Variants in TJP1 observed in about 807,000 individuals in gnomAD.
TJP1 encodes tight junction protein ZO-1.
A neutral mutation model predicts 194.2 loss-of-function variants in TJP1; 43 were observed. That is an observed-to-expected ratio of 0.22 (90% CI 0.17 to 0.29). The LOEUF is 0.29. Among genes scored for constraint, TJP1 ranks in the 10% least tolerant of loss-of-function variants. TJP1 has a pLI of 1.00. For synonymous variants in TJP1, 801 were observed against 779.0 expected, an observed-to-expected ratio of 1.03 and a Z score of -0.47; for missense variants, 1,971 against 2,185.7, an observed-to-expected ratio of 0.90 and a Z score of 1.96.
intron 2 of TJP1, among the ~76,000 whole-genome samples, chr15:29,906,463 G>A (rs1023524072): frequency 9.4e-5 from 5 of 53,234 alleles, no homozygotes; most frequent in East Asian, 3.8e-4. Flanking sequence ...GCGAGACTCC[G>A]TCTCAAAATA....
Position 29,762,382 on chromosome 15 carries a change from A to C in TJP1, c.646T>G (p.Leu216Val). ...IFVKEISQDSLAARDGNIQEG... is the reference protein window; with the variant it reads ...IFVKEISQDSVAARDGNIQEG... ...TGAATATTGCCATCTCTTGCTGCCA[A>C]ACTATCTTGTGAAATTTCCTTAACA... The change falls in exon 6 of 28, where the codon TTG (leucine) becomes GTG (valine). Residue 216 changes from leucine to valine, a missense_variant. Around this residue, in one of 5 missense-constraint regions of TJP1, gnomAD observed 245 missense variants for 336.6 expected, o/e 0.73. Coordinates refer to ENST00000614355, the MANE Select transcript of TJP1 (RefSeq NM_001330239.4). The C allele has an allele frequency of 6.2e-7, 1 of 1,613,768 alleles. No homozygotes were observed. Among genetic ancestry groups the C allele is most frequent in the Non-Finnish European group, 8.5e-7 (1 of 1,179,938 alleles).
At chr15:29,846,088 G>A (rs1369688141) in intron 2 of TJP1, among the ~76,000 whole-genome samples, 6 of 152,140 alleles carry the variant, frequency 3.9e-5, no homozygotes, top group Admixed American at 6.5e-5. Context: ...CTATCTTTGC[G>A]TCTTTCTTCT....
intron 26 of TJP1, 70 bp downstream of exon 26, chr15:29,705,458 A>G (rs575884167): frequency 2.7e-5 from 39 of 1,468,164 alleles, no homozygotes; most frequent in South Asian, 2.5e-4. Context: ...GCCAAGCACT[A>G]TAAGCTCTGA....
intron 1 of TJP1, among the ~76,000 whole-genome samples, chr15:29,809,093 C>T (rs1442653927): frequency 1.3e-5 from 2 of 152,008 alleles, no homozygotes; most frequent in African/African-American, 4.8e-5. Flanking sequence ...TTATGATATG[C>T]TATGTGCAAA....
intron 2 of TJP1, among the ~76,000 whole-genome samples, chr15:29,951,540 AAAC>A (rs1384624261): frequency 1.3e-5 from 2 of 152,174 alleles, no homozygotes; most frequent in African/African-American, 4.8e-5. Context: ...TAAAAAAACA[AAAC>A]AATTATTCAA....
At chr15:29,787,602 A>G (rs1361406656) in intron 2 of TJP1, among the ~76,000 whole-genome samples, 1 of 152,170 alleles carries the variant, frequency 6.6e-6, no homozygotes, top group Non-Finnish European at 1.5e-5. Context: ...CACATAATAT[A>G]TGTTCTTTTA....
At chr15:29,919,359 T>A (rs544381716) in intron 2 of TJP1, among the ~76,000 whole-genome samples, 2 of 152,316 alleles carry the variant, frequency 1.3e-5, no homozygotes, top group African/African-American at 4.8e-5. Flanking sequence ...ACTATGGGTC[T>A]GTAGCTTTGT....
At chr15:29,886,576 C>A (rs561078447) in intron 2 of TJP1, among the ~76,000 whole-genome samples, 45 of 150,786 alleles carry the variant, frequency 3.0e-4, no homozygotes, top group African/African-American at 9.0e-4. Context: ...TGCACTCCAG[C>A]CTGAGCCATA....
At chr15:29,933,041 A>G (rs1207116741) in intron 2 of TJP1, among the ~76,000 whole-genome samples, 1 of 152,256 alleles carries the variant, frequency 6.6e-6, no homozygotes, top group Admixed American at 6.5e-5. Flanking sequence ...TTAAAAAGAA[A>G]CAAATGTAAA....
intron 2 of TJP1, among the ~76,000 whole-genome samples, chr15:29,931,239 T>C (rs1467965336): frequency 6.6e-6 from 1 of 152,130 alleles, no homozygotes; most frequent in Non-Finnish European, 1.5e-5. Context: ...GACTTCACAT[T>C]GAGTAGGCTG....
At chr15:29,948,382 T>G (rs2055357559) in intron 2 of TJP1, among the ~76,000 whole-genome samples, 1 of 152,258 alleles carries the variant, frequency 6.6e-6, no homozygotes, top group African/African-American at 2.4e-5. Flanking sequence ...TTTTATCTTT[T>G]ATATTCTTAT....
rs563006679 is a variant in TJP1, at chr15:29,718,124, T to TAAA, written c.3877-9_3877-7dup. ...TTAGATGCTACTTCTGGAGGCTGTT[T>TAAA]AAAAAAAAAAAAAAAAAAAAGACAA... On this transcript the variant is annotated splice_polypyrimidine_tract_variant and splice_region_variant and intron_variant, in intron 21 of 27. Transcript: ENST00000614355. The TAAA allele has an allele frequency of 1.2e-4, 168 of 1,427,074 alleles. No individual in the cohort carries two copies. The highest frequency in any genetic ancestry group is 1.9e-4 in the South Asian group (15 of 78,974). 88.4% of individuals were successfully genotyped at this position (1,427,074 alleles called of 1,614,324 possible). A position where few individuals can be genotyped will look rare whatever the true frequency, so the allele number is the denominator to read the frequency against.
At chr15:29,747,278 T>C (rs558144766) in intron 8 of TJP1, among the ~76,000 whole-genome samples, 6 of 152,152 alleles carry the variant, frequency 3.9e-5, no homozygotes, top group Admixed American at 6.5e-5. Flanking sequence ...CAGCGAGACT[T>C]TGTCTCAATA....
chr15:29,723,430 G>A (rs1173211171), intron 18 of TJP1, among the ~76,000 whole-genome samples: 2 of 152,172 alleles, frequency 1.3e-5, no homozygotes, highest in South Asian at 4.1e-4. Context: ...TGTAAGACAT[G>A]CTTTTTCCCC....
intron 11 of TJP1, 57 bp downstream of exon 11, chr15:29,737,207 C>T (rs531132827): frequency 8.8e-6 from 14 of 1,584,462 alleles, no homozygotes; most frequent in Admixed American, 1.7e-5. Flanking sequence ...TTGTTTGATA[C>T]CTTTTTCTGG....
At chr15:29,732,362 G>A (rs1214541314) in intron 15 of TJP1, 71 bp downstream of exon 15, 11 of 1,276,302 alleles carry the variant, frequency 8.6e-6, no homozygotes, top group Admixed American at 2.1e-5. Flanking sequence ...TATTGAATGA[G>A]TGAATCAGAA....
intron 2 of TJP1, among the ~76,000 whole-genome samples, chr15:29,785,805 A>G (rs1292037967): frequency 6.6e-6 from 1 of 152,152 alleles, no homozygotes; most frequent in Non-Finnish European, 1.5e-5. Context: ...GAGATCACAG[A>G]ATTTGAAAAC....
chr15:29,887,136 G>A (rs964187582), intron 2 of TJP1, among the ~76,000 whole-genome samples: 2 of 151,638 alleles, frequency 1.3e-5, no homozygotes, highest in African/African-American at 4.8e-5. Flanking sequence ...CACCCACTAG[G>A]TAACAATTCA....
Position 29,738,865 on chromosome 15 carries a change from TAAAAAAAA to T in TJP1, c.1257-1459_1257-1452del, listed in dbSNP as rs71103406. On this transcript the variant is annotated intron_variant, in intron 10 of 27. Coordinates refer to ENST00000614355, the MANE Select transcript of TJP1 (RefSeq NM_001330239.4). ...CAACACAGCAAGACCCTGTCACTAC[TAAAAAAAA>T]AAAAAAAAAAAAAAAAAAAATTAGC... Among the ~76,000 whole-genome samples the T allele has an allele frequency of 3.9e-3, 191 of 48,864 alleles. 1 individual carries two copies. Among genetic ancestry groups the T allele is most frequent in the African/African-American group, 0.017 (180 of 10,652 alleles). The allele number at this position is 48,864 out of a possible 152,430, so 32.1% of individuals were successfully genotyped here. A position where few individuals can be genotyped will look rare whatever the true frequency, so the allele number is the denominator to read the frequency against.
Sources: gnomAD v4.1 joint callset for allele counts (sites outside exome capture counted in the v4.1 genomes callset) on GRCh38, gnomAD v4.1.1 for gene constraint, gnomAD v4.1.1 regional missense constraint, MANE v1.5 for transcripts, NCBI Gene and HGNC (gene_info 2026-07-23, HGNC 2026-07-21) for gene names.